The following RB1CC1 variants were observed in gnomAD, a reference collection of about 807,000 sequenced individuals.
The protein encoded by RB1CC1 is RB1-inducible coiled-coil protein 1.
RB1CC1 carries 46 observed loss-of-function variants against 177.5 expected under a neutral mutation model. The observed-to-expected ratio is 0.26, with a 90% CI of 0.20 to 0.33. RB1CC1 has a LOEUF of 0.33. Ranked by LOEUF, RB1CC1 falls within the 10% of genes least tolerant of loss-of-function variation. The pLI is 1.00. For synonymous variants in RB1CC1, 666 were observed against 613.6 expected (o/e 1.09, Z -1.26); for missense variants, 1,703 against 1,816.3 (o/e 0.94, Z 1.13).
At chr8:52,688,931 CAATAGGATGTCA>C (rs1854555365) in intron 1 of RB1CC1, among the ~76,000 whole-genome samples, 1 of 152,096 alleles carries the variant, frequency 6.6e-6, no homozygotes, top group African/African-American at 2.4e-5. Context: ...TGGGTTCCCC[CAATAGGATGTCA>C]AAGAAAAAAT....
intron 1 of RB1CC1, among the ~76,000 whole-genome samples, chr8:52,689,533 T>G (rs111527645): frequency 1.7e-4 from 26 of 152,326 alleles, no homozygotes; most frequent in East Asian, 7.7e-4. Context: ...GGGCAGCAGC[T>G]ACCACTTTGT....
intron 1 of RB1CC1, among the ~76,000 whole-genome samples, chr8:52,694,242 G>A (rs1268378927): frequency 6.6e-6 from 1 of 152,158 alleles, no homozygotes; most frequent in Non-Finnish European, 1.5e-5. Context: ...CTTGGCTCTA[G>A]AGTGGAAGAC....
At chr8:52,707,297 C>CTCA (rs1856648529) in intron 1 of RB1CC1, among the ~76,000 whole-genome samples, 3 of 152,210 alleles carry the variant, frequency 2.0e-5, no homozygotes, top group African/African-American at 7.2e-5. Context: ...CTACTGTTAC[C>CTCA]TCAAACTCAA....
At chr8:52,712,181 C>T (rs991570702) in intron 1 of RB1CC1, among the ~76,000 whole-genome samples, 4 of 152,064 alleles carry the variant, frequency 2.6e-5, no homozygotes, top group African/African-American at 9.7e-5. Flanking sequence ...AGTATTACTA[C>T]AAAAGAAAAG....
At position 52,685,390 on chromosome 8, in the gene RB1CC1, A is replaced by G. The variant is rs780765627; in HGVS notation, c.71+9T>C. 6 of 1,570,678 alleles carry G rather than the reference A, an allele frequency of 3.8e-6. No homozygotes were observed. In the African/African-American group the frequency reaches 8.1e-5, roughly 21 times the overall value. On this transcript the variant is annotated intron_variant, in intron 3 of 23. Coordinates refer to ENST00000025008, the MANE Select transcript of RB1CC1 (RefSeq NM_014781.5). ...AATGCGAAAAAAAAATAAATGAAAT[A>G]CAACTCACGTTTGCACTGTAAGTTC...
At chr8:52,651,722 A>G (rs1231205854) in intron 15 of RB1CC1, among the ~76,000 whole-genome samples, 2 of 152,200 alleles carry the variant, frequency 1.3e-5, no homozygotes, top group Non-Finnish European at 2.9e-5. Context: ...GGGAGGAAAA[A>G]GGGGAGGCTG....
intron 7 of RB1CC1, among the ~76,000 whole-genome samples, chr8:52,672,154 ATT>A (rs1452605345): frequency 6.6e-6 from 1 of 152,120 alleles, no homozygotes; most frequent in Non-Finnish European, 1.5e-5. Context: ...TTATTCTTTC[ATT>A]CATTATTTAG....
intron 15 of RB1CC1, among the ~76,000 whole-genome samples, chr8:52,648,850 T>C (rs1409649226): frequency 6.6e-6 from 1 of 152,148 alleles, no homozygotes; most frequent in Admixed American, 6.5e-5. Flanking sequence ...ACGAAGCACT[T>C]CAAGGCTTCT....
At chr8:52,660,564 A>C (rs375709724) in intron 12 of RB1CC1, 32 bp downstream of exon 12, 25 of 1,536,164 alleles carry the variant, frequency 1.6e-5, no homozygotes, top group Non-Finnish European at 1.9e-5. Flanking sequence ...AAACATATGG[A>C]ATTTAGTCAT....
At chr8:52,630,122 T>C (rs931759150) in intron 21 of RB1CC1, among the ~76,000 whole-genome samples, 1 of 152,162 alleles carries the variant, frequency 6.6e-6, no homozygotes, top group African/African-American at 2.4e-5. Context: ...GAGGAAACAC[T>C]GCAACTTAAA....
In RB1CC1 at chr8:52,657,440, G is replaced by T; in HGVS notation, c.2389C>A (p.Gln797Lys). The change falls in exon 15 of 24, where the codon CAG (glutamine) becomes AAG (lysine). Residue 797 changes from glutamine (Q) to lysine (K), a missense_variant. This residue lies in a region of RB1CC1 where 1,169 missense variants were observed against 1,184.7 expected (regional missense o/e 0.99). Coordinates refer to ENST00000025008, the MANE Select transcript of RB1CC1 (RefSeq NM_014781.5). ...DFGDHTSLNV[Q>K]LERCRVVAQD... ...GCAACAACTCTACATCTTTCCAACT[G>T]GACATTCAGAGAAGTATGATCTCCA... 2 of 1,613,664 alleles carry T rather than the reference G, an allele frequency of 1.2e-6. No homozygotes were observed. The highest frequency in any genetic ancestry group is 1.7e-6 in the Non-Finnish European group (2 of 1,179,976).
Position 52,627,341 on chromosome 8 carries a change from C to T in RB1CC1, c.4636+691G>A, listed in dbSNP as rs943318137. The stretch of plus-strand genomic sequence containing the variant: ...CAGCCTAGGCGACAGAGCAAGACTC[C>T]GTTTCGAAAAAAAATATCTACCTAT... On this transcript the variant is annotated intron_variant, in intron 22 of 23. Coordinates refer to ENST00000025008, the MANE Select transcript of RB1CC1 (RefSeq NM_014781.5). Among the ~76,000 whole-genome samples the T allele has an allele frequency of 9.9e-5, 15 of 152,008 alleles. No individual in the cohort carries two copies. In the East Asian group the frequency reaches 2.3e-3, roughly 24 times the overall value.
At chr8:52,634,101 A>C (rs1487294598) in intron 20 of RB1CC1, among the ~76,000 whole-genome samples, 2 of 152,188 alleles carry the variant, frequency 1.3e-5, no homozygotes, top group East Asian at 1.9e-4. Context: ...TGGGCAACAG[A>C]GAGAGACCTT....
intron 1 of RB1CC1, among the ~76,000 whole-genome samples, chr8:52,707,432 CTTTTTTTTTT>C (rs386412758): frequency 3.9e-5 from 5 of 128,850 alleles, no homozygotes; most frequent in Non-Finnish European, 8.0e-5. Flanking sequence ...TTCTTTCTTT[CTTTTTTTTTT>C]TTTTTTTTTA....
Position 52,661,212 on chromosome 8 carries a change from T to C in RB1CC1, c.1428A>G (p.Val476=), listed in dbSNP as rs538767265. 17 of 1,613,926 alleles carry C rather than the reference T, an allele frequency of 1.1e-5. No homozygotes were observed. The South Asian group carries it at 1.6e-4, about 16-fold the overall frequency. Residue 476 remains valine, a synonymous_variant, in exon 10 of 24, where the codon GTA becomes GTG. Transcript: ENST00000025008. ...TTTTGACTCTTTCTAACAGCTCTAT[T>C]ACGAGGCGGAGCAAAGCTTGTAACT... The part of the protein sequence containing the change: ...GEKLQALLRL[V]IELLERVKIV...
chr8:52,712,496 CAAAAAAA>C (rs5891479), intron 1 of RB1CC1, among the ~76,000 whole-genome samples: 3 of 100,476 alleles, frequency 3.0e-5, no homozygotes, highest in East Asian at 4.2e-4. Context: ...CAGCAAGAGC[CAAAAAAA>C]AAAAAAAAAA....
At chr8:52,693,687 A>G (rs1463203667) in intron 1 of RB1CC1, among the ~76,000 whole-genome samples, 1 of 152,178 alleles carries the variant, frequency 6.6e-6, no homozygotes, top group African/African-American at 2.4e-5. Context: ...TTGAGGCAGA[A>G]ATACCATTTA....
intron 15 of RB1CC1, 67 bp downstream of exon 15, chr8:52,655,941 T>C: frequency 1.6e-6 from 2 of 1,244,408 alleles, no homozygotes; most frequent in East Asian, 2.5e-5. Context: ...ATCAAGGTAC[T>C]GTGATTACAC....
intron 8 of RB1CC1, among the ~76,000 whole-genome samples, chr8:52,663,166 T>G (rs537297961): frequency 3.6e-4 from 55 of 152,128 alleles, no homozygotes; most frequent in Non-Finnish European, 6.5e-4. Context: ...GTTTGACAGC[T>G]ACATGAGCTA....
Sources: allele counts gnomAD v4.1 joint callset (sites outside exome capture counted in the v4.1 genomes callset), GRCh38; gene constraint gnomAD v4.1.1; regional missense constraint gnomAD v4.1.1; transcripts MANE v1.5; gene names NCBI Gene and HGNC (gene_info 2026-07-23, HGNC 2026-07-21).